Variants in NIPSNAP2 observed in about 807,000 individuals in gnomAD.
NIPSNAP2 encodes the protein nipsnap homolog 2, also known as protein NipSnap homolog 2.
Under a neutral mutation model 48.4 loss-of-function variants are expected in NIPSNAP2, and 42 were observed. The ratio of observed to expected loss-of-function variants is 0.87; its 90% CI spans 0.68 to 1.12. The LOEUF (loss-of-function observed/expected upper bound fraction) is 1.12. NIPSNAP2 is among the 50% of genes most tolerant of loss of function. The pLI is 0.00. For synonymous variants in NIPSNAP2, 158 were observed against 126.6 expected (o/e 1.25, Z -1.67); for missense variants, 314 against 347.3 (o/e 0.90, Z 0.76).
chr7:55,972,417 GTTTCTTT>G (rs1787031544), intron 1 of NIPSNAP2, among the ~76,000 whole-genome samples: 1 of 149,402 alleles, frequency 6.7e-6, no homozygotes, highest in South Asian at 2.1e-4. Context: ...TAATGCGTAA[GTTTCTTT>G]TTTCTTTTTC....
intron 1 of NIPSNAP2, among the ~76,000 whole-genome samples, chr7:55,967,632 A>ATTATTTATTTATTTATTTATTTAT (rs61430146): frequency 7.0e-6 from 1 of 142,708 alleles, no homozygotes; most frequent in African/African-American, 2.6e-5. Context: ...ATGCCCAGCT[A>ATTATTTATTTATTTATTTATTTAT]TTATTTATTT....
At chr7:55,965,244 A>G (rs112814913) in intron 1 of NIPSNAP2, 3 of 152,368 alleles carry the variant, frequency 2.0e-5, no homozygotes, top group African/African-American at 7.2e-5. Flanking sequence ...AGGTCAAATC[A>G]CTTAACGTCT....
intron 1 of NIPSNAP2, among the ~76,000 whole-genome samples, chr7:55,977,650 A>G (rs1361285751): frequency 6.6e-6 from 1 of 152,142 alleles, no homozygotes; most frequent in Non-Finnish European, 1.5e-5. Flanking sequence ...GTAATGTAAA[A>G]TTCACCATTT....
At position 55,978,136 on chromosome 7, in the gene NIPSNAP2, T is replaced by C; in HGVS notation, c.103T>C (p.Ser35Pro). 6.2e-7 allele frequency: 1 copy of C among 1,614,160 alleles called. No homozygotes were observed. The highest frequency in any genetic ancestry group is 8.5e-7 in the Non-Finnish European group (1 of 1,180,020). ...SLLPRLRTWT[S>P]SSNRSREDSW... Reference sequence around the variant, plus strand: ...TTTGTTATTCCATAGGACATGGACATCTTCCAGCAACAGATCTCGAGAAGA... The same window carrying C: ...TTTGTTATTCCATAGGACATGGACACCTTCCAGCAACAGATCTCGAGAAGA... The change falls in exon 2 of 10, where the codon TCT becomes CCT. Residue 35 changes from serine (S) to proline (P), a missense_variant. Physicochemically the swap from Ser to Pro is moderately conservative, Grantham distance 74. This residue lies in a region of NIPSNAP2 where 198 missense variants were observed against 185.5 expected (regional missense o/e 1.07). Transcript: ENST00000322090.
At chr7:55,979,383 A>G (rs1355899590) in intron 3 of NIPSNAP2, 1 of 158,422 alleles carries the variant, frequency 6.3e-6, no homozygotes, top group Non-Finnish European at 1.4e-5. Context: ...GTCTGTTCCT[A>G]TTTCTATTTG....
rs1157986132 is a variant in NIPSNAP2 at position 55,999,183 on chromosome 7, T to C, written c.*111T>C. 2.4e-6 allele frequency: 2 copies of C among 848,414 alleles called. No homozygotes were observed. Among genetic ancestry groups the C allele is most frequent in the Non-Finnish European group, 1.9e-6 (1 of 515,972 alleles). 52.6% of individuals were successfully genotyped at this position (848,414 alleles called of 1,614,324 possible). On this transcript the variant is annotated 3_prime_UTR_variant, in exon 10 of 10. Transcript: ENST00000322090. ...GAAACACTGAGGTTTTAAGCTGCTG[T>C]ATATAGCTTGTGAGAAACCTCTTTT...
chr7:55,995,152 A>G (rs1477155468), intron 8 of NIPSNAP2, among the ~76,000 whole-genome samples, 164 bp downstream of exon 8: 2 of 152,168 alleles, frequency 1.3e-5, no homozygotes, highest in Non-Finnish European at 2.9e-5. Flanking sequence ...CGAGGTCAAC[A>G]GTGAAAGTCC....
At chr7:55,996,532 G>C (rs181296018) in intron 8 of NIPSNAP2, among the ~76,000 whole-genome samples, 1 of 152,028 alleles carries the variant, frequency 6.6e-6, no homozygotes, top group Admixed American at 6.6e-5. Flanking sequence ...AACTGACCTC[G>C]CCTGCCTCAT....
chr7:55,991,691 CAAGCCAAG>C (rs1240847334), intron 7 of NIPSNAP2: 2 of 155,710 alleles, frequency 1.3e-5, no homozygotes, highest in Admixed American at 1.4e-4. Flanking sequence ...GAGGTTGTGG[CAAGCCAAG>C]ATCGCACCAT....
intron 7 of NIPSNAP2, 91 bp from the exon 8 acceptor site, chr7:55,994,803 C>G: frequency 9.7e-7 from 1 of 1,030,290 alleles, no homozygotes; most frequent in Non-Finnish European, 1.5e-6. Flanking sequence ...TTTTAAACAG[C>G]CTGCCCTGAG....
At chr7:55,991,759 A>AT (rs1270864932) in intron 7 of NIPSNAP2, 1,607 of 126,938 alleles carry the variant, frequency 0.013, 3 homozygotes, top group East Asian at 0.019. Flanking sequence ...AAAAAAAAAA[A>AT]AAAAAAATAT....
At position 55,983,845 on chromosome 7, in the gene NIPSNAP2, G is replaced by T. The variant is rs373243220; in HGVS notation, c.562G>T (p.Glu188Ter). Residue 188 changes from glutamate (E) to a stop codon, truncating the protein, a stop_gained, in exon 6 of 10, where the codon GAA becomes TAA. Transcript: ENST00000322090. LOFTEE classifies it high-confidence loss of function. ...PVPRSGPNIY[E>*]LRSYQLRPGT... ...GCCAAGATCCGGACCTAATATATAT[G>T]AACTCAGGTCTTACCAACTCCGAGT... 7 of 1,613,896 alleles carry T rather than the reference G, an allele frequency of 4.3e-6. No individual in the cohort carries two copies. The highest frequency in any genetic ancestry group is 5.1e-6 in the Non-Finnish European group (6 of 1,179,898).
rs1441389315 is a variant in NIPSNAP2, at chr7:56,000,052, G to A, written c.*980G>A. The A allele has an allele frequency of 6.6e-6, 1 of 152,556 alleles. No homozygotes were observed. Among genetic ancestry groups the A allele is most frequent in the Non-Finnish European group, 1.5e-5 (1 of 68,038 alleles). 9.5% of individuals were successfully genotyped at this position (152,556 alleles called of 1,614,324 possible). On this transcript the variant is annotated 3_prime_UTR_variant, in exon 10 of 10. Transcript: ENST00000322090. ...GAAAGTCCTGTTGAAATGAACAATT[G>A]TCTGCCCCACAATCAAGAATGTATG...
At chr7:55,993,491 A>T (rs985482722) in intron 7 of NIPSNAP2, among the ~76,000 whole-genome samples, 1 of 151,748 alleles carries the variant, frequency 6.6e-6, no homozygotes, top group Non-Finnish European at 1.5e-5. Context: ...AGGCAGGAAA[A>T]TCGCTTGAAC....
rs774204000 is a variant in NIPSNAP2 at position 55,984,897 on chromosome 7, G to A, written c.617+19G>A. The A allele has an allele frequency of 5.6e-6, 9 of 1,596,048 alleles. No homozygotes were observed. Among genetic ancestry groups the A allele is most frequent in the Non-Finnish European group, 7.7e-6 (9 of 1,168,578 alleles). On this transcript the variant is annotated intron_variant, in intron 7 of 9. Transcript: ENST00000322090. ...ATTACTGGTGAGTATATTACTGAAT[G>A]GTGATTTTTTAAGTCTTGTGAATAG...
At chr7:55,977,908 A>G (rs185447184) in intron 1 of NIPSNAP2, among the ~76,000 whole-genome samples, 1 of 152,338 alleles carries the variant, frequency 6.6e-6, no homozygotes, top group Admixed American at 6.5e-5. Context: ...GCAAATTGCA[A>G]AGATAAATGT....
intron 7 of NIPSNAP2, among the ~76,000 whole-genome samples, chr7:55,990,922 G>A (rs1212527508): frequency 6.6e-6 from 1 of 151,792 alleles, no homozygotes; most frequent in East Asian, 1.9e-4. Flanking sequence ...CAAGTAGTTG[G>A]GATTACAGGC....
At chr7:55,990,515 G>T (rs1475029431) in intron 7 of NIPSNAP2, among the ~76,000 whole-genome samples, 1 of 152,134 alleles carries the variant, frequency 6.6e-6, no homozygotes, top group Admixed American at 6.5e-5. Flanking sequence ...ACAGGCATGA[G>T]CCACCGTGCC....
chr7:55,980,630 T>C (rs752499960), intron 3 of NIPSNAP2: 2 of 152,204 alleles, frequency 1.3e-5, no homozygotes, highest in Non-Finnish European at 2.9e-5. Context: ...TGCCTTTCCC[T>C]GTACATTAGA....
Sources: gnomAD v4.1 joint callset for allele counts (sites outside exome capture counted in the v4.1 genomes callset) on GRCh38, gnomAD v4.1.1 for gene constraint, gnomAD v4.1.1 regional missense constraint, MANE v1.5 for transcripts, NCBI Gene and HGNC (gene_info 2026-07-23, HGNC 2026-07-21) for gene names.